Variants in MAPRE3 observed in about 807,000 individuals in gnomAD.
MAPRE3 encodes microtubule-associated protein RP/EB family member 3.
In MAPRE3, 2 loss-of-function variants were observed where a neutral mutation model predicts 30.5. That is an observed-to-expected ratio of 0.07 (90% CI 0.03 to 0.21). The LOEUF (loss-of-function observed/expected upper bound fraction) is 0.21, where lower values mean the gene tolerates loss of function less well. MAPRE3 is among the 10% of genes least tolerant of loss of function. MAPRE3 has a pLI of 1.00. For missense variants in MAPRE3, 204 were observed against 351.8 expected (o/e 0.58, Z 3.36); for synonymous variants, 110 against 127.7 (o/e 0.86, Z 0.93).
chr2:26,990,979 C>A (rs945732029), intron 1 of MAPRE3, among the ~76,000 whole-genome samples: 3 of 152,168 alleles, frequency 2.0e-5, no homozygotes, highest in African/African-American at 7.2e-5. Flanking sequence ...GATCCACGGC[C>A]GGGCAGTCTC....
intron 1 of MAPRE3, among the ~76,000 whole-genome samples, chr2:27,011,202 G>A (rs1666848428): frequency 6.6e-6 from 1 of 151,996 alleles, no homozygotes; most frequent in South Asian, 2.1e-4. Context: ...TGTTTCCCAT[G>A]TCCAGAATTT....
chr2:26,976,601 G>T (rs1572740603), intron 1 of MAPRE3, among the ~76,000 whole-genome samples: 1 of 152,322 alleles, frequency 6.6e-6, no homozygotes, highest in African/African-American at 2.4e-5. Context: ...ACCAGATGTT[G>T]TTAGTCAACT....
intron 4 of MAPRE3, 38 bp downstream of exon 4, chr2:27,024,335 C>T (rs751072633): frequency 5.7e-6 from 9 of 1,589,116 alleles, no homozygotes; most frequent in Middle Eastern, 1.8e-4. Context: ...CGTGGGGGGC[C>T]GGGCCGGCAG....
chr2:26,976,088 A>G (rs1207039908), intron 1 of MAPRE3, among the ~76,000 whole-genome samples: 4 of 152,222 alleles, frequency 2.6e-5, no homozygotes, highest in Admixed American at 6.5e-5. Context: ...CCTGCCTCTT[A>G]GTTAATGTCA....
At chr2:27,005,418 T>A (rs1666703677) in intron 1 of MAPRE3, among the ~76,000 whole-genome samples, 1 of 152,202 alleles carries the variant, frequency 6.6e-6, no homozygotes, top group Non-Finnish European at 1.5e-5. Context: ...ATCCTTCCAG[T>A]GGCTTGGGCA....
intron 4 of MAPRE3, 60 bp from the exon 5 acceptor site, chr2:27,025,523 T>C (rs748707528): frequency 1.9e-5 from 28 of 1,505,576 alleles, no homozygotes; most frequent in Non-Finnish European, 6.2e-6. Flanking sequence ...CACCAGGCTG[T>C]CTCCTGCCAC....
chr2:27,013,254 G>A lies in MAPRE3; in HGVS notation c.-7-8958G>A, dbSNP rs181160638. 4.3e-3 allele frequency: 649 copies of A among 152,502 alleles called. 3 individuals are homozygous for A. The highest frequency in any genetic ancestry group is 4.8e-3 in the Non-Finnish European group (327 of 68,076). 9.4% of individuals were successfully genotyped at this position (152,502 alleles called of 1,614,324 possible). ...ACCCCCAGAGCAGACCAAGCAGAGA[G>A]GTGCTCCCAGGAGTTACCAGGTTCC... is the stretch of plus-strand genomic sequence containing the variant. On this transcript the variant is annotated intron_variant, in intron 1 of 6. Transcript: ENST00000233121.
At chr2:26,972,050 G>A (rs1374701963) in intron 1 of MAPRE3, among the ~76,000 whole-genome samples, 4 of 152,206 alleles carry the variant, frequency 2.6e-5, no homozygotes, top group Non-Finnish European at 4.4e-5. Context: ...CAGAGTTAGT[G>A]CCCAGAGCCA....
Position 26,991,107 on chromosome 2 carries a change from A to C in MAPRE3, c.-8+20305A>C, listed in dbSNP as rs190310330. On this transcript the variant is annotated intron_variant, in intron 1 of 6. Coordinates refer to ENST00000233121, the MANE Select transcript of MAPRE3 (RefSeq NM_012326.4). ...TCTCTACTAAAAATACAAAAAAATT[A>C]GCCAGGCGTGGTGGTGGGCGCCTGT... is the stretch of plus-strand genomic sequence containing the variant. Among the ~76,000 whole-genome samples the C allele has an allele frequency of 4.0e-4, 61 of 152,312 alleles. 1 individual carries two copies. Among genetic ancestry groups the C allele is most frequent in the Admixed American group, 1.9e-3 (29 of 15,308 alleles).
At chr2:27,019,452 C>G (rs1225653936) in intron 1 of MAPRE3, among the ~76,000 whole-genome samples, 1 of 152,120 alleles carries the variant, frequency 6.6e-6, no homozygotes, top group Non-Finnish European at 1.5e-5. Context: ...TGAGGCATCA[C>G]TCAATGGTTC....
At chr2:26,989,083 C>T (rs542443726) in intron 1 of MAPRE3, among the ~76,000 whole-genome samples, 17 of 152,282 alleles carry the variant, frequency 1.1e-4, no homozygotes, top group Non-Finnish European at 2.2e-4. Context: ...TCATAATAGC[C>T]ACGTAATTCC....
chr2:26,991,534 C>A (rs538757228), intron 1 of MAPRE3, among the ~76,000 whole-genome samples: 14 of 152,164 alleles, frequency 9.2e-5, no homozygotes, highest in Non-Finnish European at 1.6e-4. Context: ...TTCTCAAATC[C>A]CTACTCCAGT....
intron 1 of MAPRE3, among the ~76,000 whole-genome samples, chr2:26,988,802 A>G (rs1250729565): frequency 6.6e-6 from 1 of 152,160 alleles, no homozygotes; most frequent in Non-Finnish European, 1.5e-5. Flanking sequence ...CCAGTCACCT[A>G]TGTGTACCCT....
chr2:26,974,406 C>T (rs912312069), intron 1 of MAPRE3, among the ~76,000 whole-genome samples: 4 of 152,116 alleles, frequency 2.6e-5, no homozygotes, highest in Admixed American at 2.6e-4. Flanking sequence ...TTTTAATTTG[C>T]ATCAACTAAC....
chr2:27,026,322 C>G lies in MAPRE3; in HGVS notation c.820C>G (p.Gln274Glu). Residue 274 changes from glutamine to glutamate, a missense_variant, in exon 7 of 7, where the codon CAA becomes GAA. Gln to Glu is a conservative substitution (Grantham distance 29). Coordinates refer to ENST00000233121, the MANE Select transcript of MAPRE3 (RefSeq NM_012326.4). ...TGAGGACGATGAGATTGAAGAGCAT[C>G]AACAAGAAGACCAGGACGAGTACTG... is the stretch of plus-strand genomic sequence containing the variant. The part of the protein sequence containing the change: ...PPEDDEIEEH[Q>E]QEDQDEY The G allele has an allele frequency of 6.2e-7, 1 of 1,614,058 alleles. No individual in the cohort carries two copies. Among genetic ancestry groups the G allele is most frequent in the Non-Finnish European group, 8.5e-7 (1 of 1,179,960 alleles).
chr2:27,001,608 C>T (rs1486271844), intron 1 of MAPRE3, among the ~76,000 whole-genome samples: 1 of 152,140 alleles, frequency 6.6e-6, no homozygotes, highest in Non-Finnish European at 1.5e-5. Context: ...ACTATGATTG[C>T]ACCACTGCAC....
Position 27,025,994 on chromosome 2 carries a change from G to A in MAPRE3, c.739G>A (p.Val247Ile). 1 of 1,614,214 alleles carries A rather than the reference G, an allele frequency of 6.2e-7. No individual in the cohort carries two copies. Among genetic ancestry groups the A allele is most frequent in the South Asian group, 1.1e-5 (1 of 91,086 alleles). The change falls in exon 6 of 7, where the codon GTT becomes ATT. Residue 247 changes from valine (V) to isoleucine (I), a missense_variant. By Grantham distance (29) the Val-to-Ile change is conservative. This residue lies in a region of MAPRE3 where 42 missense variants were observed against 81.2 expected (regional missense o/e 0.52). Coordinates refer to ENST00000233121, the MANE Select transcript of MAPRE3 (RefSeq NM_012326.4). ...CQEHESENSP[V>I]ISGIIGILYA... Reference sequence around the variant, plus strand: ...GGAGCATGAAAGTGAAAACAGCCCTGTTATCTCAGGCATCATTGGCATCCT... The same window carrying A: ...GGAGCATGAAAGTGAAAACAGCCCTATTATCTCAGGCATCATTGGCATCCT...
chr2:27,004,185 G>A (rs1666670686), intron 1 of MAPRE3, among the ~76,000 whole-genome samples: 1 of 152,166 alleles, frequency 6.6e-6, no homozygotes, highest in East Asian at 1.9e-4. Context: ...GGTCGTGAGA[G>A]GCAGAGCTGG....
At chr2:26,987,808 C>G (rs1666254597) in intron 1 of MAPRE3, among the ~76,000 whole-genome samples, 1 of 152,158 alleles carries the variant, frequency 6.6e-6, no homozygotes, top group Admixed American at 6.5e-5. Flanking sequence ...AGGCATTAGA[C>G]AAAGGTGTCA....
Sources: allele counts gnomAD v4.1 joint callset (sites outside exome capture counted in the v4.1 genomes callset), GRCh38; gene constraint gnomAD v4.1.1; regional missense constraint gnomAD v4.1.1; transcripts MANE v1.5; gene names NCBI Gene and HGNC (gene_info 2026-07-23, HGNC 2026-07-21).